The following CACNA2D2 variants were observed in gnomAD, a reference collection of about 807,000 sequenced individuals.
CACNA2D2 encodes the protein voltage-dependent calcium channel subunit alpha-2/delta-2.
A neutral mutation model predicts 166.4 loss-of-function variants in CACNA2D2; 48 were observed. The ratio of observed to expected loss-of-function variants is 0.29; its 90% CI spans 0.23 to 0.37. The LOEUF is 0.37. Ranked by LOEUF, CACNA2D2 falls within the 10% of genes least tolerant of loss-of-function variation. The pLI, the probability that CACNA2D2 is intolerant of heterozygous loss-of-function variation, is 1.00. For synonymous variants in CACNA2D2, 561 were observed against 573.7 expected, an observed-to-expected ratio of 0.98 and a Z score of 0.32; for missense variants, 1,122 against 1,433.0, an observed-to-expected ratio of 0.78 and a Z score of 3.50.
At position 50,468,379 on chromosome 3, in the gene CACNA2D2, T is replaced by TTGTGTGTGTGTGTG. The variant is rs1559978358; in HGVS notation, c.288+7738_288+7739insCACACACACACACA. ...AAGAGAACCAGCAAGTTCATCAGAATAGTGTGTGTGTGTGTGTGTGTGTGT... is the reference window on the plus strand; with the variant it reads ...AAGAGAACCAGCAAGTTCATCAGAATTGTGTGTGTGTGTGAGTGTGTGTGTGTGTGTGTGTGTGT... On this transcript the variant is annotated intron_variant, in intron 2 of 37. Coordinates refer to ENST00000424201, the MANE Select transcript of CACNA2D2 (RefSeq NM_006030.4). Among the ~76,000 whole-genome samples the TTGTGTGTGTGTGTG allele has an allele frequency of 3.5e-4, 24 of 68,856 alleles. 1 individual carries two copies. The highest frequency in any genetic ancestry group is 9.7e-4 in the African/African-American group (20 of 20,528). 45.2% of individuals were successfully genotyped at this position (68,856 alleles called of 152,430 possible).
At chr3:50,436,853 T>C (rs2236973) in intron 2 of CACNA2D2, among the ~76,000 whole-genome samples, 43,016 of 152,108 alleles carry the variant, frequency 0.28, 8,487 homozygotes, top group African/African-American at 0.52. Context: ...AGCCCCACCC[T>C]GTTCTCCCAG....
intron 2 of CACNA2D2, among the ~76,000 whole-genome samples, chr3:50,460,468 TAA>T (rs1253497882): frequency 1.4e-5 from 2 of 147,930 alleles, no homozygotes; most frequent in African/African-American, 2.7e-5. Flanking sequence ...TATTTCAAAA[TAA>T]AAAGTTTTTT....
intron 22 of CACNA2D2, among the ~76,000 whole-genome samples, chr3:50,372,369 AC>A (rs1168936205): frequency 2.6e-5 from 4 of 151,936 alleles, no homozygotes; most frequent in African/African-American, 9.7e-5. Context: ...CTGCCAAGCC[AC>A]CCCGGGGCTC....
chr3:50,373,337 G>A (rs910903279), intron 22 of CACNA2D2, among the ~76,000 whole-genome samples: 5 of 150,686 alleles, frequency 3.3e-5, no homozygotes, highest in Admixed American at 2.0e-4. Context: ...GGGGGCGCCC[G>A]GTGGGGCCGG....
At chr3:50,387,098 G>A (rs1705646513) in intron 5 of CACNA2D2, among the ~76,000 whole-genome samples, 1 of 152,148 alleles carries the variant, frequency 6.6e-6, no homozygotes, top group African/African-American at 2.4e-5. Flanking sequence ...CTTCTGAGGT[G>A]GGTGACCCTA....
At chr3:50,450,573 C>G (rs995557543) in intron 2 of CACNA2D2, among the ~76,000 whole-genome samples, 1 of 152,170 alleles carries the variant, frequency 6.6e-6, no homozygotes, top group South Asian at 2.1e-4. Context: ...AAGAGAAAGG[C>G]GGAGGTGACA....
At chr3:50,442,412 A>G (rs772073838) in intron 2 of CACNA2D2, among the ~76,000 whole-genome samples, 1 of 152,174 alleles carries the variant, frequency 6.6e-6, no homozygotes, top group African/African-American at 2.4e-5. Context: ...ACTTTCCCCA[A>G]GCAGCTTCCC....
intron 1 of CACNA2D2, among the ~76,000 whole-genome samples, chr3:50,480,021 T>C (rs578200348): frequency 2.6e-5 from 4 of 152,280 alleles, no homozygotes; most frequent in Non-Finnish European, 5.9e-5. Flanking sequence ...ATGACTGGTG[T>C]GGGCACAAGA....
At chr3:50,373,448 A>G (rs1704768487) in intron 22 of CACNA2D2, among the ~76,000 whole-genome samples, 1 of 124,746 alleles carries the variant, frequency 8.0e-6, no homozygotes, top group Non-Finnish European at 1.6e-5. Flanking sequence ...CAGGGCATGC[A>G]GGGGTGAGCC....
intron 23 of CACNA2D2, among the ~76,000 whole-genome samples, chr3:50,368,666 C>T (rs1424985072): frequency 6.6e-6 from 1 of 152,252 alleles, no homozygotes; most frequent in Non-Finnish European, 1.5e-5. Flanking sequence ...CTGCCTCTTC[C>T]TGGCTGTGTG....
At chr3:50,498,289 C>T (rs1359493836) in intron 1 of CACNA2D2, among the ~76,000 whole-genome samples, 3 of 152,100 alleles carry the variant, frequency 2.0e-5, no homozygotes, top group East Asian at 1.9e-4. Flanking sequence ...CCCACCCATC[C>T]GGATGGCATG....
intron 3 of CACNA2D2, among the ~76,000 whole-genome samples, chr3:50,405,745 AG>A (rs1346855656): frequency 8.5e-5 from 13 of 152,232 alleles, no homozygotes; most frequent in Admixed American, 5.2e-4. Flanking sequence ...CCCCATACAA[AG>A]GGGGAACTGA....
intron 2 of CACNA2D2, 129 bp downstream of exon 2, chr3:50,475,989 C>T (rs908663738): frequency 2.8e-5 from 21 of 747,416 alleles, no homozygotes; most frequent in East Asian, 1.4e-4. Flanking sequence ...CCTGCCCCCA[C>T]GGGCCCATCA....
At chr3:50,368,318 G>A in intron 23 of CACNA2D2, 83 bp from the exon 24 acceptor site, 1 of 850,572 alleles carries the variant, frequency 1.2e-6, no homozygotes, top group Non-Finnish European at 2.0e-6. Flanking sequence ...AGGCCCACTT[G>A]GCCATTCACT....
rs1362672408 is a variant in CACNA2D2, at chr3:50,434,308, C to T, written c.405+5G>A. On this transcript the variant is annotated splice_donor_5th_base_variant and intron_variant, in intron 3 of 37. Transcript: ENST00000424201. ...CGCCCCCCTGCCCCCAAAACACACA[C>T]CTACCTTCAGGGCCTGCACCTTCCT... 2 of 1,607,098 alleles carry T rather than the reference C, an allele frequency of 1.2e-6. No homozygotes were observed. The highest frequency in any genetic ancestry group is 1.7e-6 in the Non-Finnish European group (2 of 1,173,814).
chr3:50,462,430 A>AATAATGATGATG (rs879341559), intron 2 of CACNA2D2, among the ~76,000 whole-genome samples: 1 of 141,938 alleles, frequency 7.0e-6, no homozygotes, highest in Admixed American at 7.1e-5. Flanking sequence ...TAATAATAAT[A>AATAATGATGATG]ATGATAATAA....
At position 50,365,635 on chromosome 3, in the gene CACNA2D2, G is replaced by A. The variant is rs772555143; in HGVS notation, c.2969C>T (p.Ala990Val). The A allele has an allele frequency of 5.1e-6, 8 of 1,577,748 alleles. No individual in the cohort carries two copies. The African/African-American group carries it at 1.1e-4, about 21-fold the overall frequency. ...GGCGCCTCCAAAGCCCTACCTACCT[G>A]CTTGGAACCAGCTGTGGTAGATGAG... Reference protein sequence around the residue: ...YGLIYHSWFQADPAEAEGSPE... With the variant: ...YGLIYHSWFQVDPAEAEGSPE... Residue 990 changes from alanine (A) to valine (V), a missense_variant and splice_region_variant, in exon 34 of 38, where the codon GCA becomes GTA. Physicochemically the swap from Ala to Val is moderately conservative, Grantham distance 64. This residue lies in a region of CACNA2D2 where 282 missense variants were observed against 266.2 expected (regional missense o/e 1.06). Coordinates refer to ENST00000424201, the MANE Select transcript of CACNA2D2 (RefSeq NM_006030.4). The surrounding 1 kb of genome is among the most constrained non-coding windows in gnomAD (Gnocchi z 4.5).
In CACNA2D2 at chr3:50,365,117, T is replaced by G; in HGVS notation, c.3166A>C (p.Ser1056Arg). ...AGCAGCCGGCCAGCCTCGCACTGGC[T>G]GCACAGCGGCTTCTCGGCCACCACA... ...LFVVAEKPLC[S>R]QCEAGRLLQK... The change falls in exon 36 of 38, where the codon AGC (serine) becomes CGC (arginine). Residue 1056 changes from serine (S) to arginine (R), a missense_variant. By Grantham distance (110) the Ser-to-Arg change is moderately radical. Coordinates refer to ENST00000424201, the MANE Select transcript of CACNA2D2 (RefSeq NM_006030.4). The surrounding 1 kb of genome is among the most constrained non-coding windows in gnomAD (Gnocchi z 4.5). The G allele has an allele frequency of 6.2e-7, 1 of 1,612,110 alleles. No individual in the cohort carries two copies. The highest frequency in any genetic ancestry group is 8.5e-7 in the Non-Finnish European group (1 of 1,179,692).
At chr3:50,387,965 A>G (rs1454176405) in intron 4 of CACNA2D2, among the ~76,000 whole-genome samples, 1 of 152,206 alleles carries the variant, frequency 6.6e-6, no homozygotes, top group Non-Finnish European at 1.5e-5. Flanking sequence ...CGGAGAACAG[A>G]GCCGAGTTTG....
Sources: gnomAD v4.1 joint callset for allele counts (sites outside exome capture counted in the v4.1 genomes callset) on GRCh38, gnomAD v4.1.1 for gene constraint, gnomAD v4.1.1 regional missense constraint, Gnocchi (gnomAD v3.1) non-coding constraint, MANE v1.5 for transcripts, NCBI Gene and HGNC (gene_info 2026-07-23, HGNC 2026-07-21) for gene names.